SYNDIG1: variants seen among roughly 807,000 people sequenced by gnomAD.
SYNDIG1 encodes synapse differentiation inducing 1, also known as synapse differentiation-inducing gene protein 1.
A neutral mutation model predicts 19.4 loss-of-function variants in SYNDIG1; 9 were observed. The observed-to-expected ratio is 0.46, with a 90% CI of 0.28 to 0.81. The LOEUF (loss-of-function observed/expected upper bound fraction) is 0.81, where lower values mean the gene tolerates loss of function less well. Among genes scored for constraint, SYNDIG1 ranks in the 30% least tolerant of loss-of-function variants. The pLI is 0.12. For synonymous variants in SYNDIG1, 141 were observed against 145.9 expected (o/e 0.97, Z 0.24); for missense variants, 311 against 343.3 (o/e 0.91, Z 0.74).
At chr20:24,497,904 C>T (rs1290933827) in intron 1 of SYNDIG1, among the ~76,000 whole-genome samples, 1 of 152,340 alleles carries the variant, frequency 6.6e-6, no homozygotes, top group South Asian at 2.1e-4. Context: ...TGGCTAAGTG[C>T]TGACAGTAAA....
chr20:24,569,840 C>T lies in SYNDIG1; in HGVS notation c.481-15016C>T, dbSNP rs78071971. Among the ~76,000 whole-genome samples the T allele has an allele frequency of 7.0e-3, 1,068 of 152,112 alleles. 10 individuals carry two copies. The highest frequency in any genetic ancestry group is 0.012 in the Non-Finnish European group (808 of 68,012). ...GTGGATAAGAGGATGAACAGGTGCA[C>T]GAATAATGATAAAGTTGGTGCGGTA... On this transcript the variant is annotated intron_variant, in intron 2 of 3. Transcript: ENST00000376862.
chr20:24,523,126 C>A (rs2057040396), intron 1 of SYNDIG1, among the ~76,000 whole-genome samples: 1 of 152,226 alleles, frequency 6.6e-6, no homozygotes, highest in Admixed American at 6.5e-5. Flanking sequence ...AGCTTACTGG[C>A]TATGAGTCAG....
chr20:24,495,485 G>A (rs1025834250), intron 1 of SYNDIG1: 25 of 152,308 alleles, frequency 1.6e-4, no homozygotes, highest in African/African-American at 6.0e-4. Flanking sequence ...ATGGCAGCGA[G>A]TCTGGGAATG....
At chr20:24,489,225 G>C (rs1216714713) in intron 1 of SYNDIG1, among the ~76,000 whole-genome samples, 1 of 151,882 alleles carries the variant, frequency 6.6e-6, no homozygotes, top group East Asian at 1.9e-4. Context: ...CATGCACACC[G>C]ACATGTAGAT....
chr20:24,484,356 G>A (rs780573576), intron 1 of SYNDIG1, among the ~76,000 whole-genome samples: 89 of 152,142 alleles, frequency 5.8e-4, no homozygotes, highest in Non-Finnish European at 1.1e-3. Flanking sequence ...CCACATGAAC[G>A]ATATTGGCCT....
intron 2 of SYNDIG1, among the ~76,000 whole-genome samples, chr20:24,566,119 C>A (rs2146910956): frequency 6.6e-6 from 1 of 152,218 alleles, no homozygotes; most frequent in East Asian, 1.9e-4. Context: ...GCCAGAGTCC[C>A]ACAGAGGGAA....
chr20:24,636,695 G>T (rs202183393), intron 3 of SYNDIG1, among the ~76,000 whole-genome samples: 2 of 152,132 alleles, frequency 1.3e-5, no homozygotes, highest in African/African-American at 4.8e-5. Context: ...TTTCCTATTG[G>T]CACAGCTGCT....
At chr20:24,488,819 A>G (rs1180676292) in intron 1 of SYNDIG1, among the ~76,000 whole-genome samples, 3 of 152,180 alleles carry the variant, frequency 2.0e-5, no homozygotes, top group African/African-American at 7.2e-5. Context: ...CCTCTCCAGT[A>G]TCTGCTGATG....
In SYNDIG1 at chr20:24,542,748, G is replaced by T. The variant is rs1273352116; in HGVS notation, c.-78-272G>T. The stretch of plus-strand genomic sequence containing the variant: ...CTGCTAGCAATCAAAGGTTCCTCTA[G>T]GCTGCAAGGGAGCCAATTCCTGCAG... On this transcript the variant is annotated intron_variant, in intron 1 of 3. Coordinates refer to ENST00000376862, the MANE Select transcript of SYNDIG1 (RefSeq NM_024893.3). Among the ~76,000 whole-genome samples, 3 of 152,318 alleles carry T rather than the reference G, an allele frequency of 2.0e-5. No homozygotes were observed. The East Asian group carries it at 5.8e-4, about 29-fold the overall frequency.
intron 1 of SYNDIG1, among the ~76,000 whole-genome samples, chr20:24,476,105 C>G (rs1431067547): frequency 1.3e-5 from 2 of 151,988 alleles, no homozygotes; most frequent in African/African-American, 2.4e-5. Flanking sequence ...AAGTGATCTG[C>G]CCGTCTTAGC....
chr20:24,519,563 A>G (rs937065382), intron 1 of SYNDIG1, among the ~76,000 whole-genome samples: 1 of 152,228 alleles, frequency 6.6e-6, no homozygotes, highest in Admixed American at 6.5e-5. Flanking sequence ...TGGGAAGGTT[A>G]GAAGCATAGT....
intron 1 of SYNDIG1, among the ~76,000 whole-genome samples, chr20:24,481,793 G>A (rs1193658522): frequency 6.6e-6 from 1 of 152,158 alleles, no homozygotes; most frequent in African/African-American, 2.4e-5. Flanking sequence ...GAAGTAGGTA[G>A]TTGGACTGTA....
intron 2 of SYNDIG1, among the ~76,000 whole-genome samples, chr20:24,545,469 G>C (rs1193281275): frequency 6.6e-6 from 1 of 152,114 alleles, no homozygotes; most frequent in Non-Finnish European, 1.5e-5. Flanking sequence ...GAATTAGAGA[G>C]GCAGATGCAC....
intron 1 of SYNDIG1, among the ~76,000 whole-genome samples, chr20:24,473,535 G>A (rs1017524691): frequency 6.6e-6 from 1 of 152,108 alleles, no homozygotes; most frequent in African/African-American, 2.4e-5. Context: ...AGTAACCCGG[G>A]CACCAGCTAT....
At chr20:24,550,504 G>A (rs1352209991) in intron 2 of SYNDIG1, among the ~76,000 whole-genome samples, 5 of 140,146 alleles carry the variant, frequency 3.6e-5, no homozygotes, top group Admixed American at 7.5e-5. Flanking sequence ...GGTATATTAC[G>A]TTAACTGCTT....
intron 1 of SYNDIG1, among the ~76,000 whole-genome samples, chr20:24,492,457 A>G (rs1395476844): frequency 6.6e-6 from 1 of 152,210 alleles, no homozygotes; most frequent in Non-Finnish European, 1.5e-5. Context: ...TCCAAGTTTC[A>G]AAGGAAAAAC....
At chr20:24,509,636 A>G (rs1444709726) in intron 1 of SYNDIG1, among the ~76,000 whole-genome samples, 1 of 152,172 alleles carries the variant, frequency 6.6e-6, no homozygotes, top group Non-Finnish European at 1.5e-5. Flanking sequence ...AATATGCTTT[A>G]GTAGCCTTAA....
At chr20:24,554,402 T>C (rs1418320530) in intron 2 of SYNDIG1, among the ~76,000 whole-genome samples, 1 of 152,218 alleles carries the variant, frequency 6.6e-6, no homozygotes, top group Non-Finnish European at 1.5e-5. Context: ...AGGGAATGCT[T>C]CCAGTTTTTG....
At chr20:24,527,271 A>C (rs115616325) in intron 1 of SYNDIG1, among the ~76,000 whole-genome samples, 30 of 152,046 alleles carry the variant, frequency 2.0e-4, no homozygotes, top group African/African-American at 7.0e-4. Context: ...AGCTGTGTCT[A>C]TTCTGCTGTT....
Sources: allele counts gnomAD v4.1 joint callset (sites outside exome capture counted in the v4.1 genomes callset), GRCh38; gene constraint gnomAD v4.1.1; transcripts MANE v1.5; gene names NCBI Gene and HGNC (gene_info 2026-07-23, HGNC 2026-07-21).